The following AGT variants were observed in gnomAD, a reference collection of about 807,000 sequenced individuals.
AGT encodes alpha-1 antiproteinase, antitrypsin.
A neutral mutation model predicts 28.1 loss-of-function variants in AGT; 26 were observed. That is an observed-to-expected ratio of 0.92 (90% CI 0.68 to 1.28). AGT has a LOEUF of 1.28. Ranked by LOEUF, AGT falls within the 50% of genes most tolerant of loss-of-function variation. The pLI is 0.00. For missense variants in AGT, 596 were observed against 592.3 expected, an observed-to-expected ratio of 1.01 and a Z score of -0.06; for synonymous variants, 259 against 259.6, an observed-to-expected ratio of 1.00 and a Z score of 0.02.
intron 1 of AGT, among the ~76,000 whole-genome samples, chr1:230,744,229 C>T (rs547275298): frequency 6.6e-6 from 1 of 152,192 alleles, no homozygotes; most frequent in African/African-American, 2.4e-5. Flanking sequence ...GTTTCTGTAA[C>T]TATTGTTCAT....
At chr1:230,716,070 T>C (rs1272311912), upstream of AGT, among the ~76,000 whole-genome samples, 2 of 152,240 alleles carry the variant, frequency 1.3e-5, no homozygotes, top group African/African-American at 4.8e-5. Context: ...TTGGTTAGAT[T>C]GGACCCAATA....
At chr1:230,740,059 A>G (rs1664220246) in intron 1 of AGT, among the ~76,000 whole-genome samples, 1 of 152,212 alleles carries the variant, frequency 6.6e-6, no homozygotes, top group African/African-American at 2.4e-5. Context: ...ATTATTCATG[A>G]GTTTACCAGG....
At chr1:230,728,155 A>G (rs1663981004) in intron 1 of AGT, among the ~76,000 whole-genome samples, 1 of 152,162 alleles carries the variant, frequency 6.6e-6, no homozygotes, top group African/African-American at 2.4e-5. Context: ...AGGTAAAGTC[A>G]CCTGGTTTCA....
At chr1:230,703,456 C>T in intron 4 of AGT, 127 bp from the exon 5 acceptor site, 1 of 974,674 alleles carries the variant, frequency 1.0e-6, no homozygotes, top group Non-Finnish European at 1.6e-6. Flanking sequence ...GGACATTTTC[C>T]AGCCTGCCAG....
chr1:230,708,529 C>T (rs988263058), intron 2 of AGT, among the ~76,000 whole-genome samples: 1 of 152,172 alleles, frequency 6.6e-6, no homozygotes, highest in East Asian at 1.9e-4. Context: ...ATCACCTCTC[C>T]CTGAACCCGA....
Position 230,703,132 on chromosome 1 carries a change from G to A in AGT, c.*9C>T. On this transcript the variant is annotated 3_prime_UTR_variant, in exon 5 of 5. Coordinates refer to ENST00000366667, the MANE Select transcript of AGT (RefSeq NM_001384479.1). ...GCCTTGCCAGGCACTGTGTTCTGGG[G>A]CCCTGGCCTCATGCTGTGCTCAGCG... The A allele has an allele frequency of 1.9e-6, 3 of 1,613,038 alleles. No individual in the cohort carries two copies. Among genetic ancestry groups the A allele is most frequent in the Non-Finnish European group, 2.5e-6 (3 of 1,179,944 alleles).
At chr1:230,728,827 C>T (rs774046590) in intron 1 of AGT, among the ~76,000 whole-genome samples, 3 of 152,192 alleles carry the variant, frequency 2.0e-5, no homozygotes, top group Non-Finnish European at 4.4e-5. Context: ...CCAGGAAACA[C>T]ATCCAACACA....
Position 230,710,850 on chromosome 1 carries a change from T to G in AGT, c.-27A>C. The G allele has an allele frequency of 5.0e-6, 8 of 1,612,354 alleles. No homozygotes were observed. The highest frequency in any genetic ancestry group is 6.8e-6 in the Non-Finnish European group (8 of 1,180,018). On this transcript the variant is annotated 5_prime_UTR_variant, in exon 2 of 5. The change abolishes an upstream ATG in the 5' untranslated region. Transcript: ENST00000366667. Reference sequence around the variant, plus strand: ...TCAGACTGGGGTGCTCGCTTCCGCATACCCTGAAATATCATTTTGCAAAGG... The same window carrying G: ...TCAGACTGGGGTGCTCGCTTCCGCAGACCCTGAAATATCATTTTGCAAAGG...
intron 1 of AGT, among the ~76,000 whole-genome samples, chr1:230,731,725 G>C (rs560843827): frequency 3.9e-5 from 6 of 152,246 alleles, no homozygotes; most frequent in African/African-American, 1.4e-4. Context: ...AAATTAGCCA[G>C]GCATGGTGGC....
upstream of AGT, among the ~76,000 whole-genome samples, chr1:230,718,983 C>T (rs1663793482): frequency 1.3e-5 from 2 of 152,176 alleles, no homozygotes. Context: ...CCCACCTCAG[C>T]CTCCCGGAGT....
chr1:230,736,266 G>A (rs1487892340), intron 1 of AGT, among the ~76,000 whole-genome samples: 1 of 152,122 alleles, frequency 6.6e-6, no homozygotes, highest in East Asian at 1.9e-4. Flanking sequence ...GCTCACACCT[G>A]TAATCCCAGC....
chr1:230,742,896 A>G (rs1664272383), intron 1 of AGT, among the ~76,000 whole-genome samples: 1 of 152,226 alleles, frequency 6.6e-6, no homozygotes, highest in Non-Finnish European at 1.5e-5. Context: ...AAACAGCTGG[A>G]TCAGAGTGGG....
At chr1:230,704,718 C>A (rs1219077889) in intron 3 of AGT, among the ~76,000 whole-genome samples, 4 of 152,210 alleles carry the variant, frequency 2.6e-5, no homozygotes, top group Non-Finnish European at 4.4e-5. Context: ...TGACATGACA[C>A]CCATGAAAAG....
intron 1 of AGT, among the ~76,000 whole-genome samples, chr1:230,729,470 G>A (rs1664011738): frequency 6.6e-6 from 1 of 152,140 alleles, no homozygotes; most frequent in Non-Finnish European, 1.5e-5. Flanking sequence ...ACATTTTTGT[G>A]AAGATCAGAG....
intron 1 of AGT, among the ~76,000 whole-genome samples, chr1:230,739,873 A>G (rs1664215685): frequency 6.6e-6 from 1 of 152,192 alleles, no homozygotes; most frequent in Non-Finnish European, 1.5e-5. Context: ...TCCAGACCCC[A>G]GGAGAGGGTT....
At chr1:230,704,144 T>C (rs768643314) in intron 4 of AGT, 49 bp downstream of exon 4, 4 of 1,614,004 alleles carry the variant, frequency 2.5e-6, no homozygotes, top group Admixed American at 3.3e-5. Context: ...CCTCCCACCC[T>C]GTGCACACTT....
At chr1:230,737,588 A>C (rs1664178917) in intron 1 of AGT, among the ~76,000 whole-genome samples, 1 of 152,202 alleles carries the variant, frequency 6.6e-6, no homozygotes, top group Non-Finnish European at 1.5e-5. Flanking sequence ...CTGAGATTAC[A>C]GGCTTGAGCC....
intron 1 of AGT, among the ~76,000 whole-genome samples, chr1:230,743,047 G>A (rs146415738): frequency 4.5e-4 from 69 of 152,182 alleles, no homozygotes; most frequent in East Asian, 3.9e-4. Context: ...CTGGAGTGCC[G>A]TGGCTCGATC....
intron 1 of AGT, among the ~76,000 whole-genome samples, chr1:230,737,020 T>C (rs73102673): frequency 0.076 from 11,585 of 152,180 alleles, 648 homozygotes; most frequent in East Asian, 0.14. Context: ...CACAGAGGTT[T>C]GAACGCTGAA....
Sources: gnomAD v4.1 joint callset for allele counts (sites outside exome capture counted in the v4.1 genomes callset) on GRCh38, gnomAD v4.1.1 for gene constraint, MANE v1.5 for transcripts, NCBI Gene and HGNC (gene_info 2026-07-23, HGNC 2026-07-21) for gene names.